Variants in HTRA1 observed in about 807,000 individuals in gnomAD.
HTRA1 encodes serine protease HTRA1.
Under a neutral mutation model 49.7 loss-of-function variants are expected in HTRA1, and 26 were observed. That is an observed-to-expected ratio of 0.52 (90% confidence interval 0.38 to 0.73). The LOEUF is 0.73. HTRA1 is among the 30% of genes least tolerant of loss of function. HTRA1 has a pLI of 0.00. For synonymous variants in HTRA1, 291 were observed against 286.9 expected, an observed-to-expected ratio of 1.01 and a Z score of -0.14; for missense variants, 561 against 667.2, an observed-to-expected ratio of 0.84 and a Z score of 1.75.
In HTRA1 at chr10:122,468,384, T is replaced by C. The variant is rs376260278; in HGVS notation, c.472+6260T>C. On this transcript the variant is annotated intron_variant, in intron 1 of 8. Transcript: ENST00000368984. ...TGATGCATTGCTAGAACTCAGGCAA[T>C]ATTAGCGTGTTGTCATTGTCATCAT... is the stretch of plus-strand genomic sequence containing the variant. Among the ~76,000 whole-genome samples the C allele has an allele frequency of 6.0e-5, 9 of 149,034 alleles. No individual in the cohort carries two copies. The East Asian group carries it at 9.9e-4, about 16-fold the overall frequency.
intron 1 of HTRA1, among the ~76,000 whole-genome samples, chr10:122,470,515 T>C (rs181785741): frequency 9.3e-4 from 141 of 152,136 alleles, no homozygotes; most frequent in Admixed American, 1.8e-3. Flanking sequence ...TAAAGTCCAA[T>C]GATATAAGGA....
intron 3 of HTRA1, among the ~76,000 whole-genome samples, chr10:122,499,845 A>G (rs181929347): frequency 2.0e-5 from 3 of 152,356 alleles, no homozygotes; most frequent in Admixed American, 6.5e-5. Context: ...AGTTGCTGCA[A>G]TGTTAGCCTT....
At position 122,512,029 on chromosome 10, in the gene HTRA1, A is replaced by G. The variant is rs746566335; in HGVS notation, c.1238A>G (p.Tyr413Cys). ...RDFPDVISGA[Y>C]IIEVIPDTPA... is the part of the protein sequence containing the mutation. ...TTCCCAGACGTGATCTCAGGAGCGT[A>G]TATAATTGAAGTAATTCCTGATACC... Residue 413 changes from tyrosine (Y) to cysteine (C), a missense_variant, in exon 8 of 9, where the codon TAT becomes TGT. By Grantham distance (194) the Tyr-to-Cys change is radical. Coordinates refer to ENST00000368984, the MANE Select transcript of HTRA1 (RefSeq NM_002775.5). 6.2e-7 allele frequency: 1 copy of G among 1,613,698 alleles called. No homozygotes were observed. Among genetic ancestry groups the G allele is most frequent in the Non-Finnish European group, 8.5e-7 (1 of 1,179,746 alleles).
At chr10:122,476,518 C>T (rs1317364461) in intron 1 of HTRA1, among the ~76,000 whole-genome samples, 1 of 152,192 alleles carries the variant, frequency 6.6e-6, no homozygotes, top group Non-Finnish European at 1.5e-5. Context: ...CCAGTCCTGA[C>T]AGGTAAAGTT....
At chr10:122,509,745 A>G (rs547924865) in intron 6 of HTRA1, among the ~76,000 whole-genome samples, 1 of 152,272 alleles carries the variant, frequency 6.6e-6, no homozygotes, top group Non-Finnish European at 1.5e-5. Flanking sequence ...AGCCATCTGG[A>G]TGAGACATGC....
chr10:122,476,612 G>T (rs2097488587), intron 1 of HTRA1, among the ~76,000 whole-genome samples: 1 of 152,206 alleles, frequency 6.6e-6, no homozygotes, highest in Admixed American at 6.5e-5. Context: ...CCGTTTGCAG[G>T]CACTCGGTCC....
intron 1 of HTRA1, among the ~76,000 whole-genome samples, chr10:122,476,964 C>CTTTT (rs36120668): frequency 9.6e-6 from 1 of 104,000 alleles, no homozygotes; most frequent in African/African-American, 4.0e-5. Context: ...TTTATAGTTA[C>CTTTT]TTTTTTTTTT....
intron 3 of HTRA1, among the ~76,000 whole-genome samples, chr10:122,503,704 A>G (rs1050053896): frequency 2.0e-5 from 3 of 152,200 alleles, no homozygotes; most frequent in Non-Finnish European, 4.4e-5. Flanking sequence ...TAATGGTGCC[A>G]TGAGAATACT....
chr10:122,499,086 C>T (rs1411713554), intron 3 of HTRA1, among the ~76,000 whole-genome samples: 1 of 152,160 alleles, frequency 6.6e-6, no homozygotes, highest in Non-Finnish European at 1.5e-5. Flanking sequence ...GGCTACTGGG[C>T]AGGGTCAAGC....
intron 6 of HTRA1, 127 bp from the exon 7 acceptor site, chr10:122,509,969 C>T (rs2097504858): frequency 7.7e-6 from 6 of 779,628 alleles, no homozygotes; most frequent in Non-Finnish European, 1.4e-5. Context: ...AGGATTTGAG[C>T]CGCAACCTCA....
At position 122,488,919 on chromosome 10, in the gene HTRA1, A is replaced by G; in HGVS notation, c.490A>G (p.Ser164Gly). 1 of 1,614,116 alleles carries G rather than the reference A, an allele frequency of 6.2e-7. No homozygotes were observed. The highest frequency in any genetic ancestry group is 8.5e-7 in the Non-Finnish European group (1 of 1,179,926). ...GTTCTCAGGGCAGGAAGATCCCAAC[A>G]GTTTGCGCCATAAATATAACTTTAT... ...ACGQGQEDPNSLRHKYNFIAD... is the reference protein window; with the variant it reads ...ACGQGQEDPNGLRHKYNFIAD... The change falls in exon 2 of 9, where the codon AGT becomes GGT. Residue 164 changes from serine (S) to glycine (G), a missense_variant. Physicochemically the swap from Ser to Gly is moderately conservative, Grantham distance 56 (BLOSUM62 0). Around this residue, in one of 3 missense-constraint regions of HTRA1, gnomAD observed 271 missense variants for 410.0 expected, o/e 0.66. Coordinates refer to ENST00000368984, the MANE Select transcript of HTRA1 (RefSeq NM_002775.5).
At chr10:122,511,912 G>A (rs1444287202) in intron 7 of HTRA1, 58 bp from the exon 8 acceptor site, 2 of 1,264,686 alleles carry the variant, frequency 1.6e-6, no homozygotes, top group Non-Finnish European at 2.3e-6. Flanking sequence ...GCTGAGTTTT[G>A]CGTGAGGAAG....
chr10:122,507,727 T>TA (rs2097503768), intron 5 of HTRA1, among the ~76,000 whole-genome samples: 1 of 151,824 alleles, frequency 6.6e-6, no homozygotes, highest in South Asian at 2.1e-4. Context: ...TGAAGGTCAC[T>TA]AAAAATGCTG....
At chr10:122,507,273 A>G (rs2097503470) in intron 4 of HTRA1, 97 bp from the exon 5 acceptor site, 2 of 960,728 alleles carry the variant, frequency 2.1e-6, no homozygotes, top group Middle Eastern at 2.1e-4. Context: ...CGTGCCCCCC[A>G]CTCTAGGCAC....
At chr10:122,489,699 C>T in intron 3 of HTRA1, 73 bp downstream of exon 3, 1 of 1,387,028 alleles carries the variant, frequency 7.2e-7, no homozygotes, top group South Asian at 1.2e-5. Flanking sequence ...CACCAGAGCT[C>T]TCTGATTGCA....
chr10:122,465,531 C>G (rs1258305264), intron 1 of HTRA1, among the ~76,000 whole-genome samples: 2 of 152,184 alleles, frequency 1.3e-5, no homozygotes, highest in Admixed American at 6.5e-5. Flanking sequence ...AACCACCATG[C>G]TGTGCTGTTG....
At chr10:122,510,236 G>A in intron 7 of HTRA1, 83 bp downstream of exon 7, 1 of 1,092,416 alleles carries the variant, frequency 9.2e-7, no homozygotes, top group Non-Finnish European at 1.4e-6. Context: ...CCCTGAAAGA[G>A]AAACCTTATG....
chr10:122,507,974 T>C (rs758701038), intron 5 of HTRA1, among the ~76,000 whole-genome samples: 1 of 151,978 alleles, frequency 6.6e-6, no homozygotes, highest in African/African-American at 2.4e-5. Context: ...GGGCCATTTA[T>C]AGAGGGCAGC....
chr10:122,499,152 T>C (rs1244894565), intron 3 of HTRA1, among the ~76,000 whole-genome samples: 11 of 152,110 alleles, frequency 7.2e-5, no homozygotes, highest in Non-Finnish European at 2.9e-5. Flanking sequence ...GGCAGTGTCC[T>C]TGGGGTCATC....
Sources: allele counts gnomAD v4.1 joint callset (sites outside exome capture counted in the v4.1 genomes callset), GRCh38; gene constraint gnomAD v4.1.1; regional missense constraint gnomAD v4.1.1; transcripts MANE v1.5; gene names NCBI Gene and HGNC (gene_info 2026-07-23, HGNC 2026-07-21).